Variants in CACNA1D observed in about 807,000 individuals in gnomAD.
CACNA1D encodes calcium voltage-gated channel subunit alpha1 D, also known as voltage-dependent L-type calcium channel subunit alpha-1D.
CACNA1D carries 55 observed loss-of-function variants against 257.1 expected under a neutral mutation model. The observed-to-expected ratio is 0.21, with a 90% CI of 0.17 to 0.27. The LOEUF is 0.27. Ranked by LOEUF, CACNA1D falls within the 10% of genes least tolerant of loss-of-function variation. The pLI, the probability that CACNA1D is intolerant of heterozygous loss-of-function variation, is 1.00. For synonymous variants in CACNA1D, 980 were observed against 1,014.9 expected (o/e 0.97, Z 0.65); for missense variants, 1,876 against 2,784.0 (o/e 0.67, Z 7.34).
intron 3 of CACNA1D, among the ~76,000 whole-genome samples, chr3:53,581,129 A>G (rs2093125109): frequency 6.6e-6 from 1 of 152,236 alleles, no homozygotes; most frequent in Admixed American, 6.5e-5. Flanking sequence ...ACAAGAAAGA[A>G]TTGATGTGCA....
At chr3:53,537,422 G>A (rs2107496410) in intron 3 of CACNA1D, among the ~76,000 whole-genome samples, 1 of 151,938 alleles carries the variant, frequency 6.6e-6, no homozygotes, top group East Asian at 1.9e-4. Flanking sequence ...CAAATCTCAG[G>A]TATATCATTT....
chr3:53,658,283 T>G (rs1344400234), intron 4 of CACNA1D, among the ~76,000 whole-genome samples: 1 of 152,144 alleles, frequency 6.6e-6, no homozygotes, highest in Non-Finnish European at 1.5e-5. Flanking sequence ...AAATCCAGTT[T>G]TGTCATTTTA....
intron 45 of CACNA1D, 35 bp downstream of exon 45, chr3:53,805,181 C>G (rs766717028): frequency 1.2e-6 from 2 of 1,602,184 alleles, no homozygotes; most frequent in South Asian, 2.2e-5. Flanking sequence ...GTGGAACCTC[C>G]CGGGGAACAG....
intron 8 of CACNA1D, among the ~76,000 whole-genome samples, chr3:53,687,658 T>C (rs1405587914): frequency 6.6e-6 from 1 of 152,166 alleles, no homozygotes; most frequent in African/African-American, 2.4e-5. Context: ...TCTAAATAGA[T>C]TTCTGCTCTT....
chr3:53,579,626 G>C (rs1035214616), intron 3 of CACNA1D, among the ~76,000 whole-genome samples: 1 of 152,194 alleles, frequency 6.6e-6, no homozygotes, highest in Non-Finnish European at 1.5e-5. Context: ...CATTTACCCA[G>C]TGATTTTCAA....
chr3:53,692,384 C>A, intron 8 of CACNA1D, among the ~76,000 whole-genome samples: 1 of 152,116 alleles, frequency 6.6e-6, no homozygotes, highest in Non-Finnish European at 1.5e-5. Flanking sequence ...GTTATGCAGG[C>A]AACAGCATGC....
Position 53,651,940 on chromosome 3 carries a change from C to G in CACNA1D, c.623+1022C>G, listed in dbSNP as rs2094101966. 3.3e-5 allele frequency among the ~76,000 whole-genome samples: 5 copies of G among 152,026 alleles called. No individual in the cohort carries two copies. In the South Asian group the frequency reaches 1.0e-3, roughly 32 times the overall value. On this transcript the variant is annotated intron_variant, in intron 4 of 47. Coordinates refer to ENST00000350061, the MANE Select transcript of CACNA1D (RefSeq NM_001128840.3). ...GAATTGGTTGTGGGCCTTCCTAGGT[C>G]CTTTCAACCTAGGAAGTTAATATGA...
intron 39 of CACNA1D, among the ~76,000 whole-genome samples, chr3:53,782,081 G>A (rs1008121761): frequency 1.3e-5 from 2 of 151,714 alleles, no homozygotes; most frequent in Non-Finnish European, 2.9e-5. Flanking sequence ...TTGTATTTTT[G>A]AAATGTTCTT....
At chr3:53,690,921 C>A (rs928529931) in intron 8 of CACNA1D, among the ~76,000 whole-genome samples, 2 of 152,180 alleles carry the variant, frequency 1.3e-5, no homozygotes, top group African/African-American at 4.8e-5. Context: ...GGTTCTGCCA[C>A]CCTCCCAAGC....
chr3:53,598,073 G>T (rs1221510146), intron 3 of CACNA1D, among the ~76,000 whole-genome samples: 2 of 152,236 alleles, frequency 1.3e-5, no homozygotes, highest in East Asian at 3.9e-4. Context: ...TTAGAGGGAA[G>T]CTCTAAAATG....
rs2106777732 is a variant in CACNA1D, at chr3:53,801,046, A to G, written c.5041-12A>G. The stretch of plus-strand genomic sequence containing the variant: ...GTTAAATTACCTGGTGTTGTCTCCC[A>G]TTATTTTGCAGAGAAATGGTGCCCT... On this transcript the variant is annotated splice_polypyrimidine_tract_variant and intron_variant, in intron 41 of 47. Transcript: ENST00000350061. 1.9e-6 allele frequency: 3 copies of G among 1,613,650 alleles called. No homozygotes were observed. Among genetic ancestry groups the G allele is most frequent in the East Asian group, 4.5e-5 (2 of 44,882 alleles).
rs550943799 is a variant in CACNA1D at position 53,794,880 on chromosome 3, C to T, written c.4924-5369C>T. Among the ~76,000 whole-genome samples, 4 of 152,330 alleles carry T rather than the reference C, an allele frequency of 2.6e-5. No individual in the cohort carries two copies. In the East Asian group the frequency reaches 5.8e-4, roughly 22 times the overall value. The stretch of plus-strand genomic sequence containing the variant: ...GTGTCTTGGGATGCCCCAAGGTCCC[C>T]AGAACACACCTGAGAACTGCTTTGG... On this transcript the variant is annotated intron_variant, in intron 40 of 47. Transcript: ENST00000350061.
chr3:53,511,478 C>G (rs1447951216), intron 3 of CACNA1D, among the ~76,000 whole-genome samples: 3 of 152,158 alleles, frequency 2.0e-5, no homozygotes, highest in Admixed American at 6.5e-5. Flanking sequence ...AGCGCAGGTC[C>G]TTGTGTAAGG....
rs571927863 is a variant in CACNA1D at position 53,704,363 on chromosome 3, G to T, written c.1390+1553G>T. Among the ~76,000 whole-genome samples, 266 of 152,256 alleles carry T rather than the reference G, an allele frequency of 1.7e-3. 2 individuals are homozygous for T. The highest frequency in any genetic ancestry group is 2.5e-3 in the Non-Finnish European group (168 of 68,000). On this transcript the variant is annotated intron_variant, in intron 9 of 47. Transcript: ENST00000350061. The stretch of plus-strand genomic sequence containing the variant: ...TCAGGCCTCTCTTCTCTCCCTCCCT[G>T]CTTCTTGCCAGGCTCAGGAAGGGGC...
chr3:53,800,976 A>G lies in CACNA1D; in HGVS notation c.5041-82A>G. The G allele has an allele frequency of 3.5e-6, 5 of 1,409,906 alleles. No homozygotes were observed. Among genetic ancestry groups the G allele is most frequent in the Non-Finnish European group, 5.0e-6 (5 of 997,124 alleles). 87.3% of individuals were successfully genotyped at this position (1,409,906 alleles called of 1,614,324 possible). On this transcript the variant is annotated intron_variant, in intron 41 of 47. Transcript: ENST00000350061. This position sits in a 1 kb window ranked among gnomAD's most constrained non-coding sequence, Gnocchi z 4.3. Reference sequence around the variant, plus strand: ...GGAGCTTGCCTAGAATTTGTTTTTCATGTAGAAAAAGTTACCTAACATAGC... The same window carrying G: ...GGAGCTTGCCTAGAATTTGTTTTTCGTGTAGAAAAAGTTACCTAACATAGC...
Position 53,800,742 on chromosome 3 carries a change from A to T in CACNA1D, c.5041-316A>T, listed in dbSNP as rs751108445. 8 of 511,532 alleles carry T rather than the reference A, an allele frequency of 1.6e-5. No homozygotes were observed. Among genetic ancestry groups the T allele is most frequent in the Non-Finnish European group, 2.8e-5 (8 of 281,846 alleles). 31.7% of individuals were successfully genotyped at this position (511,532 alleles called of 1,614,324 possible). A position where few individuals can be genotyped will look rare whatever the true frequency, so the allele number is the denominator to read the frequency against. ...CTGTCAGTCCCCCAGCCCAGAGAGCATGCCCAACCTTGGGGCCACCAGCCA... is the reference window on the plus strand; with the variant it reads ...CTGTCAGTCCCCCAGCCCAGAGAGCTTGCCCAACCTTGGGGCCACCAGCCA... On this transcript the variant is annotated intron_variant, in intron 41 of 47. Coordinates refer to ENST00000350061, the MANE Select transcript of CACNA1D (RefSeq NM_001128840.3). This position sits in a 1 kb window ranked among gnomAD's most constrained non-coding sequence, Gnocchi z 4.3.
At position 53,776,688 on chromosome 3, in the gene CACNA1D, A is replaced by G. The variant is rs960928549; in HGVS notation, c.4448A>G (p.Asp1483Gly). 1.2e-6 allele frequency: 2 copies of G among 1,614,254 alleles called. No homozygotes were observed. Among genetic ancestry groups the G allele is most frequent in the Non-Finnish European group, 8.5e-7 (1 of 1,180,042 alleles). ...TCTATTTTGGGGCCTCACCATTTAG[A>G]TGAATTCAAAAGAATATGGTCAGAA... is the stretch of plus-strand genomic sequence containing the variant. ...DWSILGPHHL[D>G]EFKRIWSEYD... Residue 1483 changes from aspartate (D) to glycine (G), a missense_variant, in exon 36 of 48, where the codon GAT becomes GGT. By Grantham distance (94) the Asp-to-Gly change is moderately conservative. This residue lies in a region of CACNA1D where 83 missense variants were observed against 210.7 expected (regional missense o/e 0.39). Transcript: ENST00000350061.
chr3:53,576,828 T>C (rs944557705), intron 3 of CACNA1D, among the ~76,000 whole-genome samples: 1 of 152,240 alleles, frequency 6.6e-6, no homozygotes, highest in African/African-American at 2.4e-5. Context: ...ATTTTCATGC[T>C]GATTCATTTG....
intron 10 of CACNA1D, 54 bp from the exon 11 acceptor site, chr3:53,719,701 T>C: frequency 1.3e-6 from 2 of 1,496,714 alleles, no homozygotes; most frequent in African/African-American, 1.4e-5. Context: ...TGATGGGGAG[T>C]GTGTGCTCAA....
Sources: allele counts gnomAD v4.1 joint callset (sites outside exome capture counted in the v4.1 genomes callset), GRCh38; gene constraint gnomAD v4.1.1; regional missense constraint gnomAD v4.1.1; non-coding constraint Gnocchi (gnomAD v3.1); transcripts MANE v1.5; gene names NCBI Gene and HGNC (gene_info 2026-07-23, HGNC 2026-07-21).